FAM227B: variants seen among roughly 807,000 people sequenced by gnomAD.
The protein encoded by FAM227B is protein FAM227B.
A neutral mutation model predicts 73.8 loss-of-function variants in FAM227B; 88 were observed. The observed-to-expected ratio is 1.19, with a 90% CI of 1.00 to 1.42. The LOEUF (loss-of-function observed/expected upper bound fraction) is 1.42, where lower values mean the gene tolerates loss of function less well. Ranked by LOEUF, FAM227B falls within the 40% of genes most tolerant of loss-of-function variation. The pLI is 0.00. For synonymous variants in FAM227B, 210 were observed against 190.5 expected (o/e 1.10, Z -0.84); for missense variants, 632 against 590.9 (o/e 1.07, Z -0.72).
intron 11 of FAM227B, among the ~76,000 whole-genome samples, chr15:49,495,360 C>T (rs986819198): frequency 2.6e-5 from 4 of 152,150 alleles, no homozygotes; most frequent in Non-Finnish European, 5.9e-5. Flanking sequence ...TGAATAGTTC[C>T]GTTAAATTTC....
intron 11 of FAM227B, among the ~76,000 whole-genome samples, chr15:49,428,476 C>T (rs1408787062): frequency 6.6e-6 from 1 of 151,936 alleles, no homozygotes; most frequent in East Asian, 1.9e-4. Context: ...CCCATGGGGA[C>T]AAGATCAGAG....
At chr15:49,395,317 T>A (rs533233742) in intron 11 of FAM227B, among the ~76,000 whole-genome samples, 7 of 152,298 alleles carry the variant, frequency 4.6e-5, no homozygotes, top group South Asian at 2.1e-4. Context: ...CAGTAAGATA[T>A]AGTAGTTCTT....
intron 11 of FAM227B, among the ~76,000 whole-genome samples, chr15:49,459,164 C>T (rs1056995689): frequency 1.3e-5 from 2 of 151,618 alleles, no homozygotes; most frequent in African/African-American, 2.4e-5. Flanking sequence ...AAAGAGTGTG[C>T]GTGTATGTTT....
At chr15:49,590,068 G>C in intron 3 of FAM227B, 61 bp from the exon 4 acceptor site, 2 of 892,340 alleles carry the variant, frequency 2.2e-6, no homozygotes, top group Admixed American at 4.3e-5. Context: ...TTAAATAATA[G>C]AGTTCAAAAC....
chr15:49,480,474 ATTTT>A (rs35283556), intron 11 of FAM227B, among the ~76,000 whole-genome samples: 1 of 100,912 alleles, frequency 9.9e-6, no homozygotes. Context: ...TGCCCAACTA[ATTTT>A]TTTTTTTTTT....
intron 10 of FAM227B, 36 bp from the exon 11 acceptor site, chr15:49,508,384 T>A: frequency 6.6e-7 from 1 of 1,511,796 alleles, no homozygotes; most frequent in Non-Finnish European, 8.9e-7. Flanking sequence ...CCAAATAAAT[T>A]TGGATTTTGA....
At chr15:49,591,045 A>ATTTTTTT (rs748799826) in intron 3 of FAM227B, among the ~76,000 whole-genome samples, 36 of 72,538 alleles carry the variant, frequency 5.0e-4, no homozygotes, top group African/African-American at 1.0e-3. Context: ...TTTTTTTTTG[A>ATTTTTTT]TTTTTTTTTT....
chr15:49,457,327 C>T (rs1330590764), intron 11 of FAM227B, among the ~76,000 whole-genome samples: 1 of 151,794 alleles, frequency 6.6e-6, no homozygotes, highest in Non-Finnish European at 1.5e-5. Context: ...TGTAAACTAC[C>T]CTGTAGGTGG....
chr15:49,353,489 A>T (rs373448600), intron 13 of FAM227B: 3 of 152,284 alleles, frequency 2.0e-5, no homozygotes, highest in East Asian at 1.9e-4. Context: ...TTTGAACAAA[A>T]ATATACTTTT....
intron 11 of FAM227B, among the ~76,000 whole-genome samples, chr15:49,501,344 A>T (rs1212965923): frequency 2.0e-5 from 3 of 152,228 alleles, no homozygotes; most frequent in African/African-American, 7.2e-5. Flanking sequence ...GAGGTCTCAG[A>T]TGGAAATAAC....
At chr15:49,350,696 G>GGT (rs1343261855) in intron 13 of FAM227B, among the ~76,000 whole-genome samples, 1 of 152,128 alleles carries the variant, frequency 6.6e-6, no homozygotes, top group Non-Finnish European at 1.5e-5. Context: ...GACCTTGGTG[G>GGT]GTCTTCCTGC....
chr15:49,429,164 C>A (rs2050377189), intron 11 of FAM227B, among the ~76,000 whole-genome samples: 1 of 151,844 alleles, frequency 6.6e-6, no homozygotes, highest in Non-Finnish European at 1.5e-5. Context: ...ACAACCCCTG[C>A]CTTTAAAAAA....
At chr15:49,585,992 T>G (rs1277129591) in intron 5 of FAM227B, among the ~76,000 whole-genome samples, 1 of 152,132 alleles carries the variant, frequency 6.6e-6, no homozygotes, top group Non-Finnish European at 1.5e-5. Context: ...CCTATTAAAC[T>G]ACCAATCACA....
At chr15:49,600,095 G>A (rs2077097508) in intron 3 of FAM227B, among the ~76,000 whole-genome samples, 1 of 151,984 alleles carries the variant, frequency 6.6e-6, no homozygotes, top group South Asian at 2.1e-4. Context: ...TTCTGACACT[G>A]GGTGCATATA....
At chr15:49,365,238 A>G (rs563823117) in intron 13 of FAM227B, 2 of 1,088,220 alleles carry the variant, frequency 1.8e-6, no homozygotes, top group Admixed American at 3.4e-5. Flanking sequence ...ATTTCCTTAC[A>G]TTTCCAGGCA....
Position 49,421,416 on chromosome 15 carries a change from T to C in FAM227B, c.1013-50017A>G, listed in dbSNP as rs916742564. On this transcript the variant is annotated intron_variant, in intron 11 of 15. Coordinates refer to ENST00000299338, the MANE Select transcript of FAM227B (RefSeq NM_152647.3). ...CTGTTCATTAATATTACTTGGATCA[T>C]ATTTCCAAATTACAGAGTGTAATAG... Among the ~76,000 whole-genome samples the C allele has an allele frequency of 2.6e-5, 4 of 152,358 alleles. No homozygotes were observed. The East Asian group carries it at 5.8e-4, about 22-fold the overall frequency.
intron 15 of FAM227B, chr15:49,329,155 T>C (rs2038102493): frequency 1.0e-6 from 1 of 987,908 alleles, no homozygotes. Context: ...GTAAAGCAGG[T>C]ATGCAGGTAT....
At position 49,335,411 on chromosome 15, in the gene FAM227B, C is replaced by A; in HGVS notation, c.1349+8G>T. ...TTTATATTTAACAATAGTATAGCAT[C>A]AACTTACATCCTAAAATCCTTTTGG... On this transcript the variant is annotated splice_region_variant and intron_variant, in intron 14 of 15. Transcript: ENST00000299338. 2 of 1,574,580 alleles carry A rather than the reference C, an allele frequency of 1.3e-6. No homozygotes were observed. Among genetic ancestry groups the A allele is most frequent in the South Asian group, 2.2e-5 (2 of 90,110 alleles).
At chr15:49,577,511 C>G in intron 6 of FAM227B, 118 bp downstream of exon 6, 1 of 579,118 alleles carries the variant, frequency 1.7e-6, no homozygotes, top group Non-Finnish European at 3.0e-6. Context: ...CTGTTTCCAA[C>G]TCTCTCCTCT....
Sources: gnomAD v4.1 joint callset for allele counts (sites outside exome capture counted in the v4.1 genomes callset) on GRCh38, gnomAD v4.1.1 for gene constraint, MANE v1.5 for transcripts, NCBI Gene and HGNC (gene_info 2026-07-23, HGNC 2026-07-21) for gene names.